PHIP: variants seen among roughly 807,000 people sequenced by gnomAD.
PHIP encodes the protein PH-interacting protein.
A neutral mutation model predicts 236.8 loss-of-function variants in PHIP; 54 were observed. The observed-to-expected ratio is 0.23, with a 90% CI of 0.18 to 0.29. The LOEUF (loss-of-function observed/expected upper bound fraction) is 0.29. PHIP is among the 10% of genes least tolerant of loss of function. The pLI is 1.00. For missense variants in PHIP, 1,370 were observed against 2,190.8 expected, an observed-to-expected ratio of 0.63 and a Z score of 7.48; for synonymous variants, 756 against 718.9, an observed-to-expected ratio of 1.05 and a Z score of -0.83.
chr6:79,019,474 T>C (rs145290950), intron 9 of PHIP, among the ~76,000 whole-genome samples: 1 of 152,248 alleles, frequency 6.6e-6, no homozygotes, highest in East Asian at 1.9e-4. Flanking sequence ...CAGTTTTTCA[T>C]ATAGAATAGC....
intron 22 of PHIP, among the ~76,000 whole-genome samples, 191 bp from the exon 23 acceptor site, chr6:78,983,308 CA>C (rs1005565091): frequency 3.3e-5 from 5 of 152,020 alleles, no homozygotes; most frequent in Non-Finnish European, 7.4e-5. Flanking sequence ...TTAAATATCG[CA>C]AAAAAACTCC....
At chr6:78,987,774 G>A (rs1171226693) in intron 21 of PHIP, among the ~76,000 whole-genome samples, 1 of 152,144 alleles carries the variant, frequency 6.6e-6, no homozygotes, top group Non-Finnish European at 1.5e-5. Flanking sequence ...CACTGAGAAA[G>A]CTGTAAACTG....
At chr6:79,009,714 T>A (rs1371919108) in intron 15 of PHIP, among the ~76,000 whole-genome samples, 3 of 152,028 alleles carry the variant, frequency 2.0e-5, no homozygotes, top group Non-Finnish European at 4.4e-5. Context: ...CATATAACTA[T>A]CAAATCTCAA....
chr6:78,972,894 T>C (rs1767703650), intron 24 of PHIP, among the ~76,000 whole-genome samples: 2 of 152,176 alleles, frequency 1.3e-5, no homozygotes. Flanking sequence ...AGACCAAATC[T>C]ACGTCTGATT....
intron 15 of PHIP, among the ~76,000 whole-genome samples, chr6:79,014,386 C>T (rs1474663736): frequency 6.6e-6 from 1 of 151,612 alleles, no homozygotes; most frequent in Non-Finnish European, 1.5e-5. Flanking sequence ...ATAGTGGAAA[C>T]TGTTTTTTCT....
chr6:78,946,545 T>C (rs1370540468), intron 37 of PHIP, 166 bp downstream of exon 37: 1 of 1,383,454 alleles, frequency 7.2e-7, no homozygotes, highest in Middle Eastern at 2.7e-4. Flanking sequence ...TACACTAGTA[T>C]AGCTTTAGTT....
At position 78,952,176 on chromosome 6, in the gene PHIP, T is replaced by C. The variant is rs144513325; in HGVS notation, c.4053+2638A>G. On this transcript the variant is annotated intron_variant, in intron 35 of 39. Coordinates refer to ENST00000275034, the MANE Select transcript of PHIP (RefSeq NM_017934.7). ...GGCTTATGCCTGTAATCCCAGCACT[T>C]TGGGGAGGCTGAGGCAGGCAGATCA... 6.2e-4 allele frequency among the ~76,000 whole-genome samples: 95 copies of C among 152,180 alleles called. 1 individual carries two copies. The South Asian group carries it at 8.1e-3, about 13-fold the overall frequency.
rs200576047 is a variant in PHIP at position 78,958,550 on chromosome 6, C to T, written c.3707G>A (p.Arg1236Gln). 1.9e-6 allele frequency: 3 copies of T among 1,579,080 alleles called. No homozygotes were observed. Among genetic ancestry groups the T allele is most frequent in the Admixed American group, 1.7e-5 (1 of 59,848 alleles). The change falls in exon 32 of 40, where the codon CGA (arginine) becomes CAA (glutamine). Residue 1236 changes from arginine to glutamine, a missense_variant. This residue lies in a region of PHIP where 238 missense variants were observed against 398.5 expected (regional missense o/e 0.60). Transcript: ENST00000275034. ...AGGGCTTCCAGGCTCATTAAATGTT[C>T]GTGTATTATGCTCTATATATCGAAC... is the stretch of plus-strand genomic sequence containing the variant. ...WEVRYIEHNTRTFNEPGSPIV... is the reference protein window; with the variant it reads ...WEVRYIEHNTQTFNEPGSPIV...
chr6:78,997,695 C>G (rs1237023522), intron 18 of PHIP, 98 bp from the exon 19 acceptor site: 7 of 970,490 alleles, frequency 7.2e-6, no homozygotes, highest in Non-Finnish European at 1.1e-5. Flanking sequence ...CCATAAGAAA[C>G]TTCATATTGT....
At chr6:79,015,024 C>A (rs1200151704) in intron 15 of PHIP, 58 bp downstream of exon 15, 14 of 1,444,816 alleles carry the variant, frequency 9.7e-6, no homozygotes, top group Admixed American at 8.6e-5. Flanking sequence ...TGCAGAGTAC[C>A]TTTGTCAAAA....
At chr6:78,972,191 A>C (rs1347088126) in intron 24 of PHIP, among the ~76,000 whole-genome samples, 2 of 152,226 alleles carry the variant, frequency 1.3e-5, no homozygotes, top group Non-Finnish European at 2.9e-5. Context: ...GAGAACGGGC[A>C]GACTGCCTCC....
At chr6:79,002,994 T>G (rs1459477125) in intron 16 of PHIP, among the ~76,000 whole-genome samples, 1 of 152,112 alleles carries the variant, frequency 6.6e-6, no homozygotes, top group Non-Finnish European at 1.5e-5. Context: ...TAATTTGCAA[T>G]TTTTTAAACT....
intron 4 of PHIP, 25 bp from the exon 5 acceptor site, chr6:79,060,843 TA>T (rs1562217969): frequency 6.9e-7 from 1 of 1,449,792 alleles, no homozygotes; most frequent in African/African-American, 1.4e-5. Context: ...ACAAATATAG[TA>T]GGTTTCAGTT....
chr6:78,951,730 G>A (rs1218686221), intron 35 of PHIP, among the ~76,000 whole-genome samples: 3 of 152,130 alleles, frequency 2.0e-5, no homozygotes, highest in Non-Finnish European at 4.4e-5. Flanking sequence ...AAAGATGACT[G>A]CATTCTTATA....
At position 79,052,489 on chromosome 6, in the gene PHIP, G is replaced by A. The variant is rs536551046; in HGVS notation, c.439+7989C>T. ...TTTTGGACTAAATTCCAGTAATAACGGGTTGAAGTTTTGGGGGAGAAAAGA... is the reference window on the plus strand; with the variant it reads ...TTTTGGACTAAATTCCAGTAATAACAGGTTGAAGTTTTGGGGGAGAAAAGA... On this transcript the variant is annotated intron_variant, in intron 6 of 39. Coordinates refer to ENST00000275034, the MANE Select transcript of PHIP (RefSeq NM_017934.7). Among the ~76,000 whole-genome samples, 15 of 152,228 alleles carry A rather than the reference G, an allele frequency of 9.9e-5. No individual in the cohort carries two copies. In the South Asian group the frequency reaches 1.2e-3, roughly 13 times the overall value.
intron 37 of PHIP, 175 bp downstream of exon 37, chr6:78,946,535 TA>T: frequency 7.2e-7 from 1 of 1,379,410 alleles, no homozygotes. Context: ...TTTAAGCACT[TA>T]CACTAGTATA....
At chr6:79,029,854 G>A (rs1237745897) in intron 7 of PHIP, among the ~76,000 whole-genome samples, 1 of 152,074 alleles carries the variant, frequency 6.6e-6, no homozygotes, top group Non-Finnish European at 1.5e-5. Flanking sequence ...ATTAAAAATC[G>A]ATAAATATGA....
chr6:79,038,684 T>G (rs952686652), intron 7 of PHIP, among the ~76,000 whole-genome samples: 13 of 152,042 alleles, frequency 8.6e-5, no homozygotes, highest in Admixed American at 3.9e-4. Flanking sequence ...AAAGCTGAAG[T>G]TTCAGCCTTC....
chr6:79,023,412 C>G (rs917053410), intron 9 of PHIP, among the ~76,000 whole-genome samples: 3 of 151,998 alleles, frequency 2.0e-5, no homozygotes, highest in African/African-American at 7.2e-5. Flanking sequence ...AGTACTCATT[C>G]TTATGCCTGA....
Sources: allele counts gnomAD v4.1 joint callset (sites outside exome capture counted in the v4.1 genomes callset), GRCh38; gene constraint gnomAD v4.1.1; regional missense constraint gnomAD v4.1.1; transcripts MANE v1.5; gene names NCBI Gene and HGNC (gene_info 2026-07-23, HGNC 2026-07-21).